The following EDA variants were observed in gnomAD, a reference collection of about 807,000 sequenced individuals.
EDA encodes ectodysplasin-A.
EDA carries 2 observed loss-of-function variants against 23.6 expected under a neutral mutation model. The ratio of observed to expected loss-of-function variants is 0.08; its 90% confidence interval spans 0.03 to 0.27. The LOEUF (loss-of-function observed/expected upper bound fraction) is 0.27. Ranked by LOEUF, EDA falls within the 10% of genes least tolerant of loss-of-function variation. The pLI is 1.00. For synonymous variants in EDA, 131 were observed against 132.0 expected (o/e 0.99, Z 0.05); for missense variants, 229 against 324.2 (o/e 0.71, Z 2.26).
intron 1 of EDA, among the ~76,000 whole-genome samples, chrX:69,625,582 A>G: frequency 9.0e-6 from 1 of 111,137 alleles, no homozygotes; most frequent in African/African-American, 3.3e-5. Flanking sequence ...GGGGGAAAAG[A>G]TACCCTGTTC....
chrX:69,781,105 C>T (rs941135292), intron 1 of EDA, among the ~76,000 whole-genome samples: 1 of 111,241 alleles, frequency 9.0e-6, no homozygotes, highest in Non-Finnish European at 1.9e-5. Flanking sequence ...AATAATAGTC[C>T]ATTGTATGAA....
In EDA at chrX:69,824,050, G is replaced by GATCTAT. The variant is rs1266573021; in HGVS notation, c.397-132972_397-132967dup. On this transcript the variant is annotated intron_variant, in intron 1 of 7. Coordinates refer to ENST00000374552, the MANE Select transcript of EDA (RefSeq NM_001399.5). ...TCTGAGGGCTCTGTTCTGTTCCATT[G>GATCTAT]ATCTATATCTCTGTTTTGGTACCAG... Among the ~76,000 whole-genome samples, 3 of 91,618 alleles carry GATCTAT rather than the reference G, an allele frequency of 3.3e-5. No homozygotes were observed. The East Asian group carries it at 1.1e-3, about 35-fold the overall frequency. 79.6% of individuals were successfully genotyped at this position (91,618 alleles called of 115,157 possible). A position where few individuals can be genotyped will look rare whatever the true frequency, so the allele number is the denominator to read the frequency against.
At chrX:69,774,558 ATTTTG>A (rs1032647763) in intron 1 of EDA, among the ~76,000 whole-genome samples, 13 of 98,768 alleles carry the variant, frequency 1.3e-4, no homozygotes, top group African/African-American at 4.4e-4. Context: ...TTTGTTGTAT[ATTTTG>A]TTTTGTTATT....
At chrX:69,834,023 A>G (rs1052686649) in intron 1 of EDA, among the ~76,000 whole-genome samples, 4 of 99,509 alleles carry the variant, frequency 4.0e-5, no homozygotes, top group East Asian at 3.4e-4. Context: ...TCATTATTCA[A>G]TTCCCACCTA....
intron 1 of EDA, among the ~76,000 whole-genome samples, chrX:69,800,791 T>G (rs1046355356): frequency 8.9e-6 from 1 of 112,115 alleles, no homozygotes; most frequent in Admixed American, 9.5e-5. Context: ...ATTTATTCTG[T>G]ATTGAACTTT....
At chrX:69,788,309 G>A (rs1191950640) in intron 1 of EDA, among the ~76,000 whole-genome samples, 33 of 112,629 alleles carry the variant, frequency 2.9e-4, no homozygotes, top group African/African-American at 9.0e-4. Flanking sequence ...GTCCTTCTCC[G>A]TCCAGCTTTG....
intron 1 of EDA, among the ~76,000 whole-genome samples, chrX:69,690,406 A>C (rs753486738): frequency 9.0e-6 from 1 of 111,407 alleles, no homozygotes; most frequent in African/African-American, 3.2e-5. Context: ...GATATTCATG[A>C]ATTTTTTCCT....
chrX:69,649,569 T>G (rs1933034736), intron 1 of EDA, among the ~76,000 whole-genome samples: 1 of 108,752 alleles, frequency 9.2e-6, no homozygotes, highest in Non-Finnish European at 1.9e-5. Context: ...TTTGTACCCT[T>G]GTAGTATGTG....
At chrX:69,646,297 A>C (rs985782696) in intron 1 of EDA, among the ~76,000 whole-genome samples, 1 of 111,264 alleles carries the variant, frequency 9.0e-6, no homozygotes, top group Non-Finnish European at 1.9e-5. Context: ...GTTTCCCACT[A>C]TTATTGTTTG....
chrX:69,746,262 A>G (rs1261715528), intron 1 of EDA, among the ~76,000 whole-genome samples: 2 of 111,553 alleles, frequency 1.8e-5, no homozygotes, highest in Non-Finnish European at 3.8e-5. Context: ...GTTGCCATGG[A>G]AATGTTGCAA....
intron 1 of EDA, among the ~76,000 whole-genome samples, chrX:69,707,410 G>A (rs1192551229): frequency 8.9e-6 from 1 of 112,019 alleles, no homozygotes; most frequent in Non-Finnish European, 1.9e-5. Flanking sequence ...AGGACAAAGT[G>A]AGTGAGTTCA....
At chrX:69,852,343 G>A (rs1325133702) in intron 1 of EDA, among the ~76,000 whole-genome samples, 2 of 111,534 alleles carry the variant, frequency 1.8e-5, no homozygotes, top group Admixed American at 1.9e-4. Context: ...TGGTCAGGCT[G>A]GTCTCGAACT....
intron 1 of EDA, among the ~76,000 whole-genome samples, chrX:69,669,624 A>G (rs1330433528): frequency 9.0e-6 from 1 of 111,655 alleles, no homozygotes; most frequent in Non-Finnish European, 1.9e-5. Flanking sequence ...TTTTAACAAC[A>G]TTATAATTTT....
rs1347482754 is a variant in EDA, at chrX:70,028,043, TCC to T, written c.706+10_706+11del. 7 of 1,143,094 alleles carry T rather than the reference TCC, an allele frequency of 6.1e-6. No homozygotes were observed. Among genetic ancestry groups the T allele is most frequent in the South Asian group, 3.7e-5 (2 of 53,941 alleles). 94.2% of individuals were successfully genotyped at this position (1,143,094 alleles called of 1,213,427 possible). A position where few individuals can be genotyped will look rare whatever the true frequency, so the allele number is the denominator to read the frequency against. ...GGCCTCCAGGGACCTTCTGGTGAGT[TCC>T]CCTGTCTCTCCACCCCACCAGGTGC... On this transcript the variant is annotated splice_region_variant and intron_variant, in intron 4 of 7. Coordinates refer to ENST00000374552, the MANE Select transcript of EDA (RefSeq NM_001399.5).
intron 2 of EDA, among the ~76,000 whole-genome samples, chrX:69,978,939 G>A (rs1462482956): frequency 9.0e-6 from 1 of 111,297 alleles, no homozygotes; most frequent in African/African-American, 3.3e-5. Flanking sequence ...CCATTTTTAA[G>A]TATACAATTC....
intron 2 of EDA, chrX:69,957,493 A>C (rs1366755702): frequency 6.2e-6 from 1 of 161,776 alleles, no homozygotes; most frequent in South Asian, 1.3e-4. Flanking sequence ...AAAAAAAAAC[A>C]AAAAAAAAAA....
At chrX:69,943,274 A>G (rs1244063464) in intron 1 of EDA, among the ~76,000 whole-genome samples, 1 of 111,017 alleles carries the variant, frequency 9.0e-6, no homozygotes, top group African/African-American at 3.3e-5. Flanking sequence ...TTACGTATTG[A>G]CTAGTCTCCG....
Position 69,616,349 on chromosome X carries a change from C to T in EDA, c.41C>T (p.Ala14Val). 8.3e-7 allele frequency: 1 copy of T among 1,205,217 alleles called. No individual in the cohort carries two copies. The highest frequency in any genetic ancestry group is 1.1e-6 in the Non-Finnish European group (1 of 894,418). The change falls in exon 1 of 8, where the codon GCA becomes GTA. Residue 14 changes from alanine (A) to valine (V), a missense_variant. Physicochemically the swap from Ala to Val is moderately conservative, Grantham distance 64 (BLOSUM62 0). Coordinates refer to ENST00000374552, the MANE Select transcript of EDA (RefSeq NM_001399.5). ...PEVERRELLP[A>V]AAPRERGSQG... is the part of the protein sequence containing the mutation. ...GTGGAGCGCAGGGAACTCCTGCCTG[C>T]AGCAGCGCCGCGGGAGCGAGGGAGC...
chrX:69,747,582 A>T (rs2013662865), intron 1 of EDA, among the ~76,000 whole-genome samples: 1 of 112,282 alleles, frequency 8.9e-6, no homozygotes, highest in Admixed American at 9.4e-5. Context: ...AGAGGTCAGC[A>T]GTGGAAGCAG....
Sources: allele counts gnomAD v4.1 joint callset (sites outside exome capture counted in the v4.1 genomes callset), GRCh38; gene constraint gnomAD v4.1.1; transcripts MANE v1.5; gene names NCBI Gene and HGNC (gene_info 2026-07-23, HGNC 2026-07-21).